The following ZNF584 variants were observed in gnomAD, a reference collection of about 807,000 sequenced individuals.
The protein encoded by ZNF584 is zinc finger protein 584.
A neutral mutation model predicts 14.7 loss-of-function variants in ZNF584; 12 were observed. That is an observed-to-expected ratio of 0.82 (90% CI 0.52 to 1.32). The LOEUF (loss-of-function observed/expected upper bound fraction) is 1.32, where lower values mean the gene tolerates loss of function less well. Ranked by LOEUF, ZNF584 falls within the 40% of genes most tolerant of loss-of-function variation. ZNF584 has a pLI of 0.00. For synonymous variants in ZNF584, 204 were observed against 190.9 expected, an observed-to-expected ratio of 1.07 and a Z score of -0.57; for missense variants, 478 against 518.8, an observed-to-expected ratio of 0.92 and a Z score of 0.76.
chr19:58,417,399 G>C lies in ZNF584; in HGVS notation c.881G>C (p.Gly294Ala), dbSNP rs1280829565. Residue 294 changes from glycine to alanine, a missense_variant, in exon 4 of 4, where the codon GGA (glycine) becomes GCA (alanine). By Grantham distance (60) the Gly-to-Ala change is moderately conservative (BLOSUM62 0). Around this residue, in one of 3 missense-constraint regions of ZNF584, gnomAD observed 283 missense variants for 317.3 expected, o/e 0.89. Coordinates refer to ENST00000306910, the MANE Select transcript of ZNF584 (RefSeq NM_173548.3). ...TLIRHRKVHI[G>A]ERPYECTECG... The stretch of plus-strand genomic sequence containing the variant: ...ATTCGGCACCGGAAAGTGCACATTG[G>C]AGAAAGGCCCTATGAGTGTACAGAA... The C allele has an allele frequency of 1.2e-6, 2 of 1,603,324 alleles. No individual in the cohort carries two copies. Among genetic ancestry groups the C allele is most frequent in the Non-Finnish European group, 1.7e-6 (2 of 1,171,294 alleles).
At chr19:58,412,199 C>CTTTTTTTTTTTTTTTTTTTTTTTTTTTT (rs35188048) in intron 2 of ZNF584, among the ~76,000 whole-genome samples, 1 of 83,934 alleles carries the variant, frequency 1.2e-5, no homozygotes, top group African/African-American at 5.9e-5. Context: ...CCAGGGTGGT[C>CTTTTTTTTTTTTTTTTTTTTTTTTTTTT]TTTTTTTTTT....
chr19:58,415,929 A>G (rs1435876929), intron 3 of ZNF584: 1 of 1,597,266 alleles, frequency 6.3e-7, no homozygotes, highest in East Asian at 2.2e-5. Context: ...ATGTGCACAT[A>G]TCCTTAAACA....
intron 3 of ZNF584, chr19:58,416,279 C>A (rs1351310568): frequency 2.8e-5 from 6 of 213,036 alleles, no homozygotes; most frequent in Non-Finnish European, 4.8e-5. Flanking sequence ...TCTTATTGCC[C>A]AGGCTGGAGT....
intron 2 of ZNF584, among the ~76,000 whole-genome samples, chr19:58,410,759 A>G (rs1344531931): frequency 2.5e-5 from 1 of 39,268 alleles, no homozygotes; most frequent in Non-Finnish European, 4.4e-5. Flanking sequence ...ATATATATAT[A>G]TATGTATATA....
At chr19:58,403,937 G>C (rs1234641059), upstream of ZNF584, among the ~76,000 whole-genome samples, 1 of 147,042 alleles carries the variant, frequency 6.8e-6, no homozygotes, top group Non-Finnish European at 1.5e-5. Flanking sequence ...CTCCAGCCTG[G>C]GTGTCAGAGC....
intron 2 of ZNF584, among the ~76,000 whole-genome samples, chr19:58,410,539 A>AATTTTTTTTTTTTTTTT: frequency 3.4e-4 from 13 of 38,688 alleles, no homozygotes; most frequent in East Asian, 1.0e-3. Context: ...ATATATATAT[A>AATTTTTTTTTTTTTTTT]TATATATATA....
chr19:58,416,058 C>A, intron 3 of ZNF584: 1 of 1,254,332 alleles, frequency 8.0e-7, no homozygotes, highest in Non-Finnish European at 1.1e-6. Flanking sequence ...CACCAGCAGC[C>A]AAGGCCCTGC....
chr19:58,404,182 T>A (rs796757784), upstream of ZNF584: 5 of 153,068 alleles, frequency 3.3e-5, 2 homozygotes, highest in African/African-American at 1.2e-4. Context: ...CCTCTACTCC[T>A]CTGCTCCACC....
At chr19:58,402,055 C>T (rs768358870) in intron 1 of ZNF584, among the ~76,000 whole-genome samples, 1 of 151,682 alleles carries the variant, frequency 6.6e-6, no homozygotes, top group Non-Finnish European at 1.5e-5. Context: ...GGCGACAGAG[C>T]GAGAGACTCC....
At chr19:58,407,771 C>T (rs1384711324), upstream of ZNF584, among the ~76,000 whole-genome samples, 1 of 152,196 alleles carries the variant, frequency 6.6e-6, no homozygotes, top group East Asian at 1.9e-4. Flanking sequence ...AACATGAACG[C>T]GTCTGAATTC....
chr19:58,415,822 C>G (rs780881940), intron 3 of ZNF584, 176 bp downstream of exon 3: 1 of 1,603,290 alleles, frequency 6.2e-7, no homozygotes, highest in South Asian at 1.1e-5. Context: ...TTTTCAGGCC[C>G]CGCATGTTCC....
rs371933038 is a variant in ZNF584 at position 58,415,824 on chromosome 19, G to A, written c.292+178G>A. ...ATCTCTACCATGATTTTCAGGCCCC[G>A]CATGTTCCTGCCTCTCTGGCCTGCG... On this transcript the variant is annotated intron_variant, in intron 3 of 3. Transcript: ENST00000306910. The A allele has an allele frequency of 5.6e-6, 9 of 1,602,462 alleles. No homozygotes were observed. The African/African-American group carries it at 6.7e-5, about 12-fold the overall frequency.
At chr19:58,415,397 TG>T (rs2052628550) in intron 2 of ZNF584, 126 bp from the exon 3 acceptor site, 2 of 1,023,218 alleles carry the variant, frequency 2.0e-6, no homozygotes. Context: ...GGGGTCTTAC[TG>T]TGTTGCCCAG....
At chr19:58,402,886 A>C (rs1483435454) in intron 1 of ZNF584, among the ~76,000 whole-genome samples, 1 of 152,094 alleles carries the variant, frequency 6.6e-6, no homozygotes, top group East Asian at 1.9e-4. Flanking sequence ...CCTAAGAAAA[A>C]TAGATACATA....
chr19:58,409,832 A>G, intron 1 of ZNF584, 109 bp from the exon 2 acceptor site: 1 of 1,337,134 alleles, frequency 7.5e-7, no homozygotes, highest in Non-Finnish European at 1.1e-6. Flanking sequence ...ATAGGGAAAG[A>G]TAATGTCAGG....
chr19:58,410,541 A>ACG (rs1555785528), intron 2 of ZNF584, among the ~76,000 whole-genome samples: 1 of 43,800 alleles, frequency 2.3e-5, no homozygotes, highest in Non-Finnish European at 3.6e-5. Context: ...ATATATATAT[A>ACG]TATATATATA....
intron 2 of ZNF584, among the ~76,000 whole-genome samples, chr19:58,412,295 C>A (rs1196086863): frequency 6.7e-6 from 1 of 149,042 alleles, no homozygotes; most frequent in African/African-American, 2.5e-5. Context: ...CTGCAAGCTC[C>A]GCTTCCCGGG....
exon 1 of ZNF584, chr19:58,401,574 C>G (rs1223326755): frequency 1.3e-5 from 2 of 152,166 alleles, no homozygotes; most frequent in Non-Finnish European, 2.9e-5. Flanking sequence ...CACCAGCACT[C>G]CGATGGCGCT....
intron 2 of ZNF584, among the ~76,000 whole-genome samples, chr19:58,415,159 C>T (rs1449595121): frequency 6.6e-6 from 1 of 152,054 alleles, no homozygotes; most frequent in Non-Finnish European, 1.5e-5. Context: ...TCCCAAAGTG[C>T]TGGGATTACA....
Sources: gnomAD v4.1 joint callset for allele counts (sites outside exome capture counted in the v4.1 genomes callset) on GRCh38, gnomAD v4.1.1 for gene constraint, gnomAD v4.1.1 regional missense constraint, MANE v1.5 for transcripts, NCBI Gene and HGNC (gene_info 2026-07-23, HGNC 2026-07-21) for gene names.